STAMBP: variants seen among roughly 807,000 people sequenced by gnomAD.
The protein encoded by STAMBP is STAM-binding protein.
STAMBP carries 31 observed loss-of-function variants against 50.7 expected under a neutral mutation model. That is an observed-to-expected ratio of 0.61 (90% CI 0.46 to 0.83). STAMBP has a LOEUF of 0.83. Ranked by LOEUF, STAMBP falls within the 40% of genes least tolerant of loss-of-function variation. The probability of loss-of-function intolerance (pLI) is 0.00; values close to 1 mark genes in which losing one functional copy is unlikely to be tolerated. For missense variants in STAMBP, 472 were observed against 518.9 expected (o/e 0.91, Z 0.88); for synonymous variants, 211 against 192.4 (o/e 1.10, Z -0.80).
At chr2:73,873,156 G>A (rs1273910077) in intron 10 of STAMBP, among the ~76,000 whole-genome samples, 3 of 152,242 alleles carry the variant, frequency 2.0e-5, no homozygotes, top group African/African-American at 7.2e-5. Context: ...ACATCTGGGA[G>A]CTCAGGTGGA....
At chr2:73,835,531 A>C (rs1259436192) in intron 2 of STAMBP, among the ~76,000 whole-genome samples, 1 of 152,088 alleles carries the variant, frequency 6.6e-6, no homozygotes, top group Non-Finnish European at 1.5e-5. Context: ...ATGGTGGAGC[A>C]AGCGTTAAGA....
chr2:73,857,304 C>T (rs1428623470), intron 7 of STAMBP, among the ~76,000 whole-genome samples: 1 of 152,148 alleles, frequency 6.6e-6, no homozygotes, highest in Non-Finnish European at 1.5e-5. Flanking sequence ...TTCCAGAACC[C>T]ATCAGGTACC....
Position 73,859,235 on chromosome 2 carries a change from ACT to A in STAMBP, c.1006-16_1006-15del. The A allele has an allele frequency of 1.2e-6, 2 of 1,602,598 alleles. No individual in the cohort carries two copies. The highest frequency in any genetic ancestry group is 1.7e-6 in the Non-Finnish European group (2 of 1,169,994). On this transcript the variant is annotated splice_polypyrimidine_tract_variant and intron_variant, in intron 7 of 9. Transcript: ENST00000394070. ...ATATATCCTCGCTAAGAGTCCTCTG[ACT>A]CTTTTTCTCTCCTCAGACTCACCCC...
chr2:73,867,171 A>T (rs1678981100), downstream of STAMBP: 1 of 152,232 alleles, frequency 6.6e-6, no homozygotes, highest in African/African-American at 2.4e-5. Flanking sequence ...CCAATTAATA[A>T]ATGGTAAGGC....
chr2:73,847,690 C>A lies in STAMBP; in HGVS notation c.679C>A (p.Pro227Thr), dbSNP rs1382705819. 1.2e-6 allele frequency: 2 copies of A among 1,614,060 alleles called. No homozygotes were observed. Among genetic ancestry groups the A allele is most frequent in the African/African-American group, 2.7e-5 (2 of 74,928 alleles). Reference sequence around the variant, plus strand: ...TTCAGACTGTCACACAACTGTAAGGCCAGCTAAGCCACCTGTGGTGGACAG... The same window carrying A: ...TTCAGACTGTCACACAACTGTAAGGACAGCTAAGCCACCTGTGGTGGACAG... Reference protein sequence around the residue: ...QPSDCHTTVRPAKPPVVDRSL... With the variant: ...QPSDCHTTVRTAKPPVVDRSL... Residue 227 changes from proline to threonine, a missense_variant, in exon 5 of 10, where the codon CCA becomes ACA. Pro to Thr is a conservative substitution (Grantham distance 38). Transcript: ENST00000394070.
chr2:73,850,665 C>T lies in STAMBP; in HGVS notation c.1005+152C>T. 1.3e-6 allele frequency: 1 copy of T among 778,350 alleles called. No homozygotes were observed. The highest frequency in any genetic ancestry group is 1.8e-6 in the Non-Finnish European group (1 of 545,872). The allele number at this position is 778,350 out of a possible 1,614,324, so 48.2% of individuals were successfully genotyped here. A position where few individuals can be genotyped will look rare whatever the true frequency, so the allele number is the denominator to read the frequency against. On this transcript the variant is annotated intron_variant, in intron 7 of 9. Transcript: ENST00000394070. The surrounding 1 kb of genome is among the most constrained non-coding windows in gnomAD (Gnocchi z 4.3). ...CAGTCCTTAGCATACTTGACTATTG[C>T]ACTTTGGTATTGTTTTCTGGGAACA...
At chr2:73,834,810 G>C (rs1002985743) in intron 2 of STAMBP, among the ~76,000 whole-genome samples, 8 of 152,218 alleles carry the variant, frequency 5.3e-5, no homozygotes, top group Non-Finnish European at 1.0e-4. Flanking sequence ...ATAGGGCAGA[G>C]CATTAAAACA....
intron 2 of STAMBP, among the ~76,000 whole-genome samples, chr2:73,840,313 G>GGT (rs1553379216): frequency 2.6e-5 from 3 of 115,640 alleles, no homozygotes; most frequent in Non-Finnish European, 5.7e-5. Context: ...TTAGGGGTTT[G>GGT]TTTTTTTTTT....
intron 2 of STAMBP, among the ~76,000 whole-genome samples, chr2:73,841,745 A>G (rs1451644869): frequency 6.6e-6 from 1 of 152,194 alleles, no homozygotes; most frequent in Non-Finnish European, 1.5e-5. Flanking sequence ...CATAGCTAGT[A>G]AATGGCAAAA....
chr2:73,870,067 A>T (rs1291131112), downstream of STAMBP: 1 of 152,192 alleles, frequency 6.6e-6, no homozygotes, highest in Non-Finnish European at 1.5e-5. Flanking sequence ...CCTTTTTCGA[A>T]TTTCTTCAAA....
intron 7 of STAMBP, 130 bp from the exon 8 acceptor site, chr2:73,859,123 TG>T: frequency 7.5e-6 from 5 of 670,864 alleles, no homozygotes; most frequent in Non-Finnish European, 1.4e-5. Context: ...TCTCAAAGTA[TG>T]TTATCGTATG....
At chr2:73,844,333 G>C (rs1398063860) in intron 2 of STAMBP, among the ~76,000 whole-genome samples, 1 of 152,130 alleles carries the variant, frequency 6.6e-6, no homozygotes, top group Non-Finnish European at 1.5e-5. Flanking sequence ...TTCTTTGAAG[G>C]AACACGAATC....
At chr2:73,859,995 G>A in intron 8 of STAMBP, 57 bp from the exon 9 acceptor site, 2 of 1,316,558 alleles carry the variant, frequency 1.5e-6, no homozygotes, top group Non-Finnish European at 2.2e-6. Context: ...GCGTGCATAT[G>A]TTTGGGATGG....
chr2:73,836,322 G>T (rs1674709929), intron 2 of STAMBP, among the ~76,000 whole-genome samples: 1 of 152,196 alleles, frequency 6.6e-6, no homozygotes. Context: ...GCCGAGGCAG[G>T]AGCAGCAGCT....
In STAMBP at chr2:73,829,250, G is replaced by A. The variant is rs1382876867; in HGVS notation, c.-273G>A. On this transcript the variant is annotated 5_prime_UTR_variant, in exon 1 of 10. Transcript: ENST00000394070. The stretch of plus-strand genomic sequence containing the variant: ...GGATGATTGTGCCTGGGGTTGGCAA[G>A]TTCGTCTTGAGTGCCTTCAAGAAGG... 6.6e-6 allele frequency: 1 copy of A among 152,356 alleles called. No individual in the cohort carries two copies. The highest frequency in any genetic ancestry group is 1.5e-5 in the Non-Finnish European group (1 of 68,132). 9.4% of individuals were successfully genotyped at this position (152,356 alleles called of 1,614,324 possible). A position where few individuals can be genotyped will look rare whatever the true frequency, so the allele number is the denominator to read the frequency against.
chr2:73,847,735 C>T lies in STAMBP; in HGVS notation c.724C>T (p.Leu242=). The change falls in exon 5 of 10, where the codon CTG becomes TTG. Residue 242 remains leucine (L), a synonymous_variant. Transcript: ENST00000394070. ...VVDRSLKPGA[L]SNSESIPTID... ...GGACAGGTCCTTGAAACCTGGAGCA[C>T]TGAGCAACTCAGAAAGTAGTAAGTG... is the stretch of plus-strand genomic sequence containing the variant. 6.2e-7 allele frequency: 1 copy of T among 1,613,500 alleles called. No homozygotes were observed. Among genetic ancestry groups the T allele is most frequent in the South Asian group, 1.1e-5 (1 of 91,024 alleles).
intron 10 of STAMBP, chr2:73,873,315 T>A (rs555793959): frequency 6.6e-6 from 1 of 152,370 alleles, no homozygotes; most frequent in South Asian, 2.1e-4. Flanking sequence ...TATGAGGCGC[T>A]TAACTTTTAA....
chr2:73,831,059 C>T lies in STAMBP; in HGVS notation c.203C>T (p.Thr68Met), dbSNP rs749495762. The T allele has an allele frequency of 9.3e-6, 15 of 1,613,332 alleles. No individual in the cohort carries two copies. The highest frequency in any genetic ancestry group is 2.2e-5 in the East Asian group (1 of 44,888). Reference protein sequence around the residue: ...HAFILYNKYITLFIEKLPKHR... With the variant: ...HAFILYNKYIMLFIEKLPKHR... The stretch of plus-strand genomic sequence containing the variant: ...TTCATCCTCTATAACAAGTATATCA[C>T]GTAAGACACCTACAGTTTCCTTTTT... The change falls in exon 2 of 10, where the codon ACG (threonine) becomes ATG (methionine). Residue 68 changes from threonine to methionine, a missense_variant and splice_region_variant. Physicochemically the swap from Thr to Met is moderately conservative, Grantham distance 81. Transcript: ENST00000394070.
At chr2:73,834,800 A>G (rs908110620) in intron 2 of STAMBP, among the ~76,000 whole-genome samples, 6 of 152,224 alleles carry the variant, frequency 3.9e-5, no homozygotes, top group African/African-American at 1.4e-4. Flanking sequence ...TTCCAAGAGC[A>G]TAGGGCAGAG....
Sources: allele counts gnomAD v4.1 joint callset (sites outside exome capture counted in the v4.1 genomes callset), GRCh38; gene constraint gnomAD v4.1.1; non-coding constraint Gnocchi (gnomAD v3.1); transcripts MANE v1.5; gene names NCBI Gene and HGNC (gene_info 2026-07-23, HGNC 2026-07-21).